The following ESR1 variants were observed in gnomAD, a reference collection of about 807,000 sequenced individuals.
ESR1 encodes the protein estrogen receptor.
ESR1 carries 12 observed loss-of-function variants against 52.7 expected under a neutral mutation model. The observed-to-expected ratio is 0.23, with a 90% CI of 0.15 to 0.37. The LOEUF (loss-of-function observed/expected upper bound fraction) is 0.37. ESR1 is among the 10% of genes least tolerant of loss of function. ESR1 has a pLI of 1.00. For missense variants in ESR1, 584 were observed against 779.7 expected (o/e 0.75, Z 2.99); for synonymous variants, 305 against 316.8 (o/e 0.96, Z 0.39).
At chr6:151,746,109 A>C (rs3020307) in intron 2 of ESR1, among the ~76,000 whole-genome samples, 67,582 of 151,858 alleles carry the variant, frequency 0.45, 16,654 homozygotes, top group Non-Finnish European at 0.55. Flanking sequence ...TTATCCATTG[A>C]TCTGTTGGTA....
Position 152,081,238 on chromosome 6 carries a change from C to T in ESR1, c.1370-13147C>T, listed in dbSNP as rs530731444. 7.2e-5 allele frequency among the ~76,000 whole-genome samples: 11 copies of T among 152,248 alleles called. No homozygotes were observed. In the South Asian group the frequency reaches 2.3e-3, roughly 32 times the overall value. On this transcript the variant is annotated intron_variant, in intron 6 of 7. Coordinates refer to ENST00000206249, the MANE Select transcript of ESR1 (RefSeq NM_000125.4). ...ACATAATTGGAAGTAAAACACTCCT[C>T]AGCAAATGTAAAAGAACAGAAGTCA...
intron 3 of ESR1, among the ~76,000 whole-genome samples, chr6:151,913,383 T>C (rs1201880217): frequency 6.6e-6 from 1 of 152,208 alleles, no homozygotes; most frequent in Admixed American, 6.5e-5. Context: ...CCAAGAACTA[T>C]TGAAAATGAT....
At chr6:151,960,461 A>G (rs1486489094) in intron 4 of ESR1, among the ~76,000 whole-genome samples, 1 of 152,160 alleles carries the variant, frequency 6.6e-6, no homozygotes, top group Non-Finnish European at 1.5e-5. Context: ...GAGGTGAGAA[A>G]GTTAGCCATG....
intron 2 of ESR1, among the ~76,000 whole-genome samples, chr6:151,779,857 G>A (rs1378367202): frequency 1.7e-5 from 2 of 116,008 alleles, no homozygotes; most frequent in Non-Finnish European, 3.5e-5. Context: ...CCGAGATCCC[G>A]CCACTGCACT....
intron 4 of ESR1, among the ~76,000 whole-genome samples, chr6:152,001,341 C>T (rs2041928517): frequency 6.6e-6 from 1 of 151,948 alleles, no homozygotes; most frequent in Admixed American, 6.6e-5. Context: ...GAAATGGGCA[C>T]ATGCAAAGAG....
intron 2 of ESR1, among the ~76,000 whole-genome samples, chr6:151,859,236 A>G (rs1050190880): frequency 2.6e-5 from 4 of 152,276 alleles, no homozygotes; most frequent in African/African-American, 9.6e-5. Context: ...AATTTGTAAC[A>G]TGTAGCTAAT....
intron 1 of ESR1, among the ~76,000 whole-genome samples, chr6:151,668,961 A>G (rs1344937557): frequency 6.6e-6 from 1 of 151,996 alleles, no homozygotes; most frequent in Non-Finnish European, 1.5e-5. Context: ...GTGAGGGTTC[A>G]TGTCAGGTTA....
Position 151,807,802 on chromosome 6 carries a change from C to T in ESR1, c.-111C>T. The T allele has an allele frequency of 2.0e-6, 2 of 1,004,582 alleles. No individual in the cohort carries two copies. Among genetic ancestry groups the T allele is most frequent in the Non-Finnish European group, 3.0e-6 (2 of 660,132 alleles). 62.2% of individuals were successfully genotyped at this position (1,004,582 alleles called of 1,614,324 possible). ...AGAGCTCGCGTGTCGGCGGGACATGCGCTGCGTCGCCTCTAACCTCGGGCT... is the reference window on the plus strand; with the variant it reads ...AGAGCTCGCGTGTCGGCGGGACATGTGCTGCGTCGCCTCTAACCTCGGGCT... On this transcript the variant is annotated 5_prime_UTR_variant, in exon 1 of 8. Coordinates refer to ENST00000206249, the MANE Select transcript of ESR1 (RefSeq NM_000125.4).
chr6:152,127,912 T>G (rs1025992653), exon 7 of ESR1: 1 of 152,200 alleles, frequency 6.6e-6, no homozygotes. Context: ...TCTTTCAGTG[T>G]TTCGGCCAGT....
At chr6:151,839,249 G>A (rs1356782644) in intron 1 of ESR1, among the ~76,000 whole-genome samples, 2 of 152,206 alleles carry the variant, frequency 1.3e-5, no homozygotes, top group Non-Finnish European at 1.5e-5. Context: ...GATTAGGAGT[G>A]GCTGGTAAGG....
intron 4 of ESR1, among the ~76,000 whole-genome samples, chr6:151,960,987 TGA>T (rs2037590031): frequency 6.6e-6 from 1 of 152,184 alleles, no homozygotes; most frequent in African/African-American, 2.4e-5. Flanking sequence ...TGATAAAAGT[TGA>T]GTCAACAACT....
intron 2 of ESR1, among the ~76,000 whole-genome samples, chr6:151,731,419 T>C (rs2128040527): frequency 6.6e-6 from 1 of 152,118 alleles, no homozygotes; most frequent in East Asian, 1.9e-4. Context: ...CTTTTAATTC[T>C]TTGGAAGAAC....
At chr6:151,740,647 T>C (rs1476928823) in intron 2 of ESR1, among the ~76,000 whole-genome samples, 1 of 150,692 alleles carries the variant, frequency 6.6e-6, no homozygotes, top group Non-Finnish European at 1.5e-5. Flanking sequence ...TTTTACACAG[T>C]TTTTTGTAAC....
intron 3 of ESR1, among the ~76,000 whole-genome samples, chr6:151,898,742 A>T (rs887974087): frequency 6.6e-6 from 1 of 152,202 alleles, no homozygotes; most frequent in African/African-American, 2.4e-5. Flanking sequence ...ACAGGATCCC[A>T]AGGCAGAAGA....
intron 4 of ESR1, among the ~76,000 whole-genome samples, chr6:151,986,977 C>G (rs888760803): frequency 3.9e-5 from 6 of 152,050 alleles, no homozygotes; most frequent in African/African-American, 1.4e-4. Flanking sequence ...GCATGGCAGG[C>G]TTTGTTTTAG....
At chr6:151,693,126 G>A (rs1779072363) in intron 1 of ESR1, among the ~76,000 whole-genome samples, 1 of 152,236 alleles carries the variant, frequency 6.6e-6, no homozygotes, top group African/African-American at 2.4e-5. Context: ...TATATTATAT[G>A]GAATAAATGA....
At chr6:152,090,098 C>G (rs1170935366) in intron 6 of ESR1, among the ~76,000 whole-genome samples, 1 of 152,186 alleles carries the variant, frequency 6.6e-6, no homozygotes, top group Non-Finnish European at 1.5e-5. Context: ...ATAGGAGAAG[C>G]ATACAACAAA....
intron 1 of ESR1, among the ~76,000 whole-genome samples, chr6:151,827,503 C>T (rs920787940): frequency 6.6e-6 from 1 of 152,060 alleles, no homozygotes; most frequent in Non-Finnish European, 1.5e-5. Flanking sequence ...CCTGATCTGA[C>T]ATTTTATTGT....
chr6:151,942,943 A>ATGT (rs1182540898), intron 3 of ESR1, among the ~76,000 whole-genome samples: 1 of 152,116 alleles, frequency 6.6e-6, no homozygotes, highest in Non-Finnish European at 1.5e-5. Context: ...TTTTTTGCAG[A>ATGT]TGTTAATACA....
Sources: allele counts gnomAD v4.1 joint callset (sites outside exome capture counted in the v4.1 genomes callset), GRCh38; gene constraint gnomAD v4.1.1; transcripts MANE v1.5; gene names NCBI Gene and HGNC (gene_info 2026-07-23, HGNC 2026-07-21).